Variants in ENTPD1 observed in about 807,000 individuals in gnomAD.
ENTPD1 encodes the protein ectonucleoside triphosphate diphosphohydrolase 1.
In ENTPD1, 33 loss-of-function variants were observed where a neutral mutation model predicts 57.0. The ratio of observed to expected loss-of-function variants is 0.58; its 90% CI spans 0.44 to 0.77. The LOEUF is 0.77. ENTPD1 is among the 30% of genes least tolerant of loss of function. The pLI, the probability that ENTPD1 is intolerant of heterozygous loss-of-function variation, is 0.00. For missense variants in ENTPD1, 501 were observed against 603.4 expected (o/e 0.83, Z 1.78); for synonymous variants, 202 against 218.8 (o/e 0.92, Z 0.68).
Position 95,823,371 on chromosome 10 carries a change from CAAA to C in ENTPD1, c.144+8_144+10del. 6.2e-7 allele frequency: 1 copy of C among 1,613,800 alleles called. No individual in the cohort carries two copies. Among genetic ancestry groups the C allele is most frequent in the Non-Finnish European group, 8.5e-7 (1 of 1,179,868 alleles). On this transcript the variant is annotated splice_region_variant and intron_variant, in intron 2 of 9. Transcript: ENST00000371205. ...ATTGCCAGAAAACGTTAAGGTAAGT[CAAA>C]TATATCTGTGTGTTTGTGTGTATGT...
At chr10:95,824,496 G>T (rs1042846621) in intron 2 of ENTPD1, among the ~76,000 whole-genome samples, 10 of 152,232 alleles carry the variant, frequency 6.6e-5, no homozygotes, top group Non-Finnish European at 1.3e-4. Context: ...AAGACAGAAG[G>T]CTGATACTAT....
At chr10:95,797,458 T>C (rs950291920) in intron 1 of ENTPD1, among the ~76,000 whole-genome samples, 1 of 152,250 alleles carries the variant, frequency 6.6e-6, no homozygotes, top group East Asian at 1.9e-4. Flanking sequence ...GTTAGTCTGT[T>C]TGCATTCTTT....
At chr10:95,837,477 C>G (rs1345943143) in intron 2 of ENTPD1, among the ~76,000 whole-genome samples, 1 of 152,238 alleles carries the variant, frequency 6.6e-6, no homozygotes, top group Non-Finnish European at 1.5e-5. Context: ...CCTTTCACTG[C>G]AAGCCTAGCT....
chr10:95,761,316 G>T (rs181059377), intron 1 of ENTPD1, among the ~76,000 whole-genome samples: 1 of 152,296 alleles, frequency 6.6e-6, no homozygotes, highest in Non-Finnish European at 1.5e-5. Flanking sequence ...TTTAGCATGA[G>T]TATGTATCAT....
chr10:95,745,186 TG>T (rs918874417), intron 1 of ENTPD1, among the ~76,000 whole-genome samples: 5 of 152,136 alleles, frequency 3.3e-5, no homozygotes, highest in African/African-American at 9.7e-5. Flanking sequence ...TTTTTTTAAA[TG>T]TTTTTTTATT....
chr10:95,843,985 G>T (rs2098428043), intron 4 of ENTPD1, among the ~76,000 whole-genome samples: 1 of 152,210 alleles, frequency 6.6e-6, no homozygotes, highest in African/African-American at 2.4e-5. Flanking sequence ...CAGTCTGGCA[G>T]CAGAGGAGAT....
chr10:95,863,064 C>T (rs2098467955), intron 8 of ENTPD1, among the ~76,000 whole-genome samples: 1 of 152,198 alleles, frequency 6.6e-6, no homozygotes, highest in Non-Finnish European at 1.5e-5. Flanking sequence ...GATCCACCCA[C>T]AGGCATGAGC....
intron 3 of ENTPD1, among the ~76,000 whole-genome samples, chr10:95,841,933 G>T (rs1324880299): frequency 6.6e-6 from 1 of 152,196 alleles, no homozygotes; most frequent in Non-Finnish European, 1.5e-5. Context: ...TTTAGTAAAA[G>T]CCAATTTGTC....
At chr10:95,800,806 T>C (rs1158466609) in intron 1 of ENTPD1, among the ~76,000 whole-genome samples, 1 of 152,160 alleles carries the variant, frequency 6.6e-6, no homozygotes, top group South Asian at 2.1e-4. Context: ...TGAAAATAGC[T>C]GTTATTCTGT....
At chr10:95,838,223 T>C (rs886687917) in intron 2 of ENTPD1, among the ~76,000 whole-genome samples, 8 of 152,178 alleles carry the variant, frequency 5.3e-5, no homozygotes, top group Non-Finnish European at 1.2e-4. Context: ...TCATGGAATT[T>C]TTTAATCCTG....
At chr10:95,706,609 C>A in the ENTPD1 span, among the ~76,000 whole-genome samples, 1 of 152,218 alleles carries the variant, frequency 6.6e-6, no homozygotes, top group African/African-American at 2.4e-5. Context: ...AAACTGTCAG[C>A]AGATGGTAGC....
In ENTPD1 at chr10:95,872,429, C is replaced by T. The variant is rs116804867; in HGVS notation, c.*6046C>T. 0.012 allele frequency: 11,856 copies of T among 985,408 alleles called. 169 individuals are homozygous for T. The highest frequency in any genetic ancestry group is 0.067 in the African/African-American group (3,816 of 57,336). The allele number at this position is 985,408 out of a possible 1,614,324, so 61.0% of individuals were successfully genotyped here. On this transcript the variant is annotated 3_prime_UTR_variant, in exon 10 of 10. Transcript: ENST00000371205. ...CCAGGTAGAATGACTGTTCACCCAA[C>T]ACCACTCAGGTTGTCTTCTCAACTT...
At chr10:95,782,764 T>C (rs1411648761) in intron 1 of ENTPD1, among the ~76,000 whole-genome samples, 1 of 152,202 alleles carries the variant, frequency 6.6e-6, no homozygotes. Context: ...ACAGTTTTTC[T>C]ATTCTTTTAT....
upstream of ENTPD1, among the ~76,000 whole-genome samples, chr10:95,708,261 T>A (rs1286051719): frequency 1.3e-5 from 2 of 151,954 alleles, no homozygotes; most frequent in Non-Finnish European, 2.9e-5. Flanking sequence ...GTCCCTAGGC[T>A]GGAGTGCAGT....
At chr10:95,852,094 G>A (rs200233308) in intron 7 of ENTPD1, among the ~76,000 whole-genome samples, 2,256 of 152,206 alleles carry the variant, frequency 0.015, 28 homozygotes, top group Middle Eastern at 0.044. Context: ...AGCACCTGTC[G>A]TTTCCTGACT....
Position 95,873,576 on chromosome 10 carries a change from T to G in ENTPD1, c.*7193T>G, listed in dbSNP as rs2098482766. ...GCTCACACGCATCCTTTAAAAATGG[T>G]TTAGAAGTTTAGCTGGTTTCTTATT... On this transcript the variant is annotated 3_prime_UTR_variant, in exon 10 of 10. Transcript: ENST00000371205. The G allele has an allele frequency of 1.0e-6, 1 of 985,312 alleles. No individual in the cohort carries two copies. The highest frequency in any genetic ancestry group is 6.1e-5 in the Admixed American group (1 of 16,268). 61.0% of individuals were successfully genotyped at this position (985,312 alleles called of 1,614,324 possible). A position where few individuals can be genotyped will look rare whatever the true frequency, so the allele number is the denominator to read the frequency against.
At chr10:95,740,164 C>T (rs1034842581) in intron 1 of ENTPD1, among the ~76,000 whole-genome samples, 1 of 152,208 alleles carries the variant, frequency 6.6e-6, no homozygotes, top group Non-Finnish European at 1.5e-5. Flanking sequence ...GAGTCTCTGT[C>T]ACCCAGGCTA....
intron 9 of ENTPD1, 145 bp from the exon 10 acceptor site, chr10:95,866,032 T>C: frequency 8.5e-7 from 1 of 1,183,054 alleles, no homozygotes; most frequent in Non-Finnish European, 1.2e-6. Flanking sequence ...CCCAAAGTGC[T>C]GAGATTACAG....
chr10:95,763,820 A>T (rs1414255154), intron 1 of ENTPD1, among the ~76,000 whole-genome samples: 1 of 152,240 alleles, frequency 6.6e-6, no homozygotes, highest in Non-Finnish European at 1.5e-5. Flanking sequence ...ACACAGGCTT[A>T]TAGTGGACAT....
Sources: allele counts gnomAD v4.1 joint callset (sites outside exome capture counted in the v4.1 genomes callset), GRCh38; gene constraint gnomAD v4.1.1; transcripts MANE v1.5; gene names NCBI Gene and HGNC (gene_info 2026-07-23, HGNC 2026-07-21).